Variants in NR3C2 observed in about 807,000 individuals in gnomAD.
The protein encoded by NR3C2 is mineralocorticoid receptor.
In NR3C2, 15 loss-of-function variants were observed where a neutral mutation model predicts 86.4. That is an observed-to-expected ratio of 0.17 (90% CI 0.12 to 0.27). The LOEUF (loss-of-function observed/expected upper bound fraction) is 0.27, where lower values mean the gene tolerates loss of function less well. Ranked by LOEUF, NR3C2 falls within the 10% of genes least tolerant of loss-of-function variation. The pLI, the probability that NR3C2 is intolerant of heterozygous loss-of-function variation, is 1.00. For missense variants in NR3C2, 960 were observed against 1,195.6 expected, an observed-to-expected ratio of 0.80 and a Z score of 2.91; for synonymous variants, 458 against 450.5, an observed-to-expected ratio of 1.02 and a Z score of -0.21.
chr4:148,378,273 T>A (rs909284367), intron 2 of NR3C2, among the ~76,000 whole-genome samples: 2 of 151,992 alleles, frequency 1.3e-5, no homozygotes, highest in African/African-American at 4.8e-5. Context: ...TTAGCAAGAA[T>A]GTGAAATGAG....
intron 2 of NR3C2, among the ~76,000 whole-genome samples, chr4:148,303,982 A>G (rs1431114913): frequency 6.6e-6 from 1 of 152,220 alleles, no homozygotes; most frequent in Non-Finnish European, 1.5e-5. Flanking sequence ...GCGAGGACAG[A>G]AGAAAGAGGA....
intron 2 of NR3C2, among the ~76,000 whole-genome samples, chr4:148,320,130 A>G (rs1448081545): frequency 3.8e-5 from 4 of 105,794 alleles, no homozygotes; most frequent in African/African-American, 4.5e-5. Context: ...ATCTATTGAG[A>G]TAATCATGTG....
At chr4:148,444,127 G>A (rs1750483794), upstream of NR3C2, 1 of 985,306 alleles carries the variant, frequency 1.0e-6, no homozygotes, top group Non-Finnish European at 1.2e-6. Flanking sequence ...CGGGCGGCGG[G>A]CGGGAGCAAG....
At chr4:148,402,809 A>G (rs1748234655) in intron 2 of NR3C2, among the ~76,000 whole-genome samples, 1 of 152,160 alleles carries the variant, frequency 6.6e-6, no homozygotes. Flanking sequence ...AAGCAAAACA[A>G]GCTTAAAAGA....
chr4:148,132,079 T>C (rs2149743648), intron 6 of NR3C2, among the ~76,000 whole-genome samples: 1 of 152,358 alleles, frequency 6.6e-6, no homozygotes, highest in Middle Eastern at 3.4e-3. Context: ...ATAACTTATA[T>C]AGTCAGCAGT....
chr4:148,357,560 C>T (rs72656862), intron 2 of NR3C2, among the ~76,000 whole-genome samples: 40 of 152,114 alleles, frequency 2.6e-4, no homozygotes, highest in Non-Finnish European at 5.1e-4. Flanking sequence ...CATATTCCTC[C>T]AAATATAATA....
chr4:148,391,258 A>C (rs2126491803), intron 2 of NR3C2, among the ~76,000 whole-genome samples: 1 of 152,334 alleles, frequency 6.6e-6, no homozygotes, highest in East Asian at 1.9e-4. Context: ...GAGTAACACA[A>C]ACGGTTTTCT....
At chr4:148,157,541 TGGAGGTAGTGGG>T (rs1734457270) in intron 4 of NR3C2, among the ~76,000 whole-genome samples, 2 of 151,886 alleles carry the variant, frequency 1.3e-5, no homozygotes, top group African/African-American at 4.8e-5. Context: ...GCGAATATGA[TGGAGGTAGTGGG>T]GGAGGTGGGA....
At chr4:148,153,736 A>T (rs79714733) in intron 5 of NR3C2, among the ~76,000 whole-genome samples, 1 of 150,252 alleles carries the variant, frequency 6.7e-6, no homozygotes, top group South Asian at 2.1e-4. Context: ...ACAAAAAAAA[A>T]TGACTAAAAT....
intron 4 of NR3C2, among the ~76,000 whole-genome samples, chr4:148,188,596 T>C (rs562744690): frequency 2.0e-4 from 31 of 152,312 alleles, no homozygotes; most frequent in Non-Finnish European, 3.7e-4. Flanking sequence ...TCCGGAGACG[T>C]TGCTGAATTC....
intron 2 of NR3C2, among the ~76,000 whole-genome samples, chr4:148,375,785 T>C (rs1746648632): frequency 1.3e-5 from 2 of 152,170 alleles, no homozygotes; most frequent in African/African-American, 4.8e-5. Context: ...TGTGCCTCTT[T>C]TCAACTCAGT....
intron 2 of NR3C2, among the ~76,000 whole-genome samples, chr4:148,421,292 T>C (rs2126607131): frequency 6.6e-6 from 1 of 152,350 alleles, no homozygotes; most frequent in East Asian, 1.9e-4. Flanking sequence ...GAACTCTTTT[T>C]GGATTAAGTG....
At chr4:148,192,678 G>A (rs1014901533) in intron 4 of NR3C2, among the ~76,000 whole-genome samples, 1 of 151,898 alleles carries the variant, frequency 6.6e-6, no homozygotes, top group Non-Finnish European at 1.5e-5. Context: ...GGGTGGGGTC[G>A]AGATTCCCAG....
intron 2 of NR3C2, among the ~76,000 whole-genome samples, chr4:148,305,674 A>G (rs1204977585): frequency 6.6e-6 from 1 of 152,224 alleles, no homozygotes; most frequent in East Asian, 1.9e-4. Context: ...CTCTCTGAGC[A>G]AAGCAGTATA....
At chr4:148,086,470 C>T (rs1383573214) in intron 8 of NR3C2, among the ~76,000 whole-genome samples, 5 of 152,186 alleles carry the variant, frequency 3.3e-5, no homozygotes, top group Non-Finnish European at 5.9e-5. Flanking sequence ...CGCGGTGGCT[C>T]ACGCCTGTTA....
intron 2 of NR3C2, among the ~76,000 whole-genome samples, chr4:148,312,848 T>A (rs61761510): frequency 0.027 from 4,121 of 152,278 alleles, 179 homozygotes; most frequent in African/African-American, 0.094. Flanking sequence ...GGCTTTTTTT[T>A]ATGGGAAAAG....
At chr4:148,134,895 G>T (rs1733226353) in intron 6 of NR3C2, among the ~76,000 whole-genome samples, 1 of 151,510 alleles carries the variant, frequency 6.6e-6, no homozygotes. Context: ...GACCTCAGGT[G>T]ATCCGCCCCA....
intron 8 of NR3C2, among the ~76,000 whole-genome samples, chr4:148,106,448 T>C (rs900595109): frequency 3.3e-5 from 5 of 152,106 alleles, no homozygotes; most frequent in African/African-American, 1.2e-4. Context: ...CCAAAATAAT[T>C]TATAGATTCA....
At chr4:148,361,828 T>TTTGTTGTTGTTGTTGTTG (rs10528442) in intron 2 of NR3C2, among the ~76,000 whole-genome samples, 17 of 151,998 alleles carry the variant, frequency 1.1e-4, no homozygotes, top group East Asian at 3.9e-4. Context: ...ACCCTAAAGT[T>TTTGTTGTTGTTGTTGTTG]TTGTTGTTAT....
Sources: allele counts gnomAD v4.1 joint callset (sites outside exome capture counted in the v4.1 genomes callset), GRCh38; gene constraint gnomAD v4.1.1; transcripts MANE v1.5; gene names NCBI Gene and HGNC (gene_info 2026-07-23, HGNC 2026-07-21).